The following UNC80 variants were observed in gnomAD, a reference collection of about 807,000 sequenced individuals.
UNC80 encodes protein unc-80 homolog.
A neutral mutation model predicts 384.6 loss-of-function variants in UNC80; 164 were observed. That is an observed-to-expected ratio of 0.43 (90% CI 0.38 to 0.49). UNC80 has a LOEUF of 0.49. Ranked by LOEUF, UNC80 falls within the 20% of genes least tolerant of loss-of-function variation. The pLI is 0.00. For missense variants in UNC80, 3,330 were observed against 4,143.0 expected (o/e 0.80, Z 5.39); for synonymous variants, 1,486 against 1,527.8 (o/e 0.97, Z 0.64).
intron 11 of UNC80, among the ~76,000 whole-genome samples, chr2:209,818,790 A>T (rs1442793833): frequency 6.6e-6 from 1 of 152,198 alleles, no homozygotes; most frequent in Non-Finnish European, 1.5e-5. Context: ...ATTTTCTACA[A>T]TCTTTAATAT....
At chr2:209,937,333 A>T (rs185511696) in intron 41 of UNC80, among the ~76,000 whole-genome samples, 196 bp from the exon 42 acceptor site, 22 of 152,344 alleles carry the variant, frequency 1.4e-4, no homozygotes, top group Non-Finnish European at 2.9e-4. Flanking sequence ...ATCTGATCTA[A>T]TGAGCAGAAG....
intron 63 of UNC80, 63 bp from the exon 64 acceptor site, chr2:209,994,002 T>C (rs751226834): frequency 4.7e-5 from 66 of 1,415,658 alleles, no homozygotes; most frequent in African/African-American, 5.8e-5. Flanking sequence ...TACCAACTAT[T>C]AAGCATTGAC....
At position 209,984,919 on chromosome 2, in the gene UNC80, T is replaced by A. The variant is rs1202672717; in HGVS notation, c.9314+7T>A. On this transcript the variant is annotated splice_region_variant and intron_variant, in intron 61 of 64. Coordinates refer to ENST00000673920, the MANE Select transcript of UNC80 (RefSeq NM_001371986.1). ...CCGAGGGCAGCCTCTCTAGGTACAG[T>A]GTCAATGCTACCTGTCTATTGGTGT... 1.3e-6 allele frequency: 2 copies of A among 1,550,170 alleles called. No individual in the cohort carries two copies. Among genetic ancestry groups the A allele is most frequent in the Non-Finnish European group, 1.7e-6 (2 of 1,146,390 alleles).
chr2:209,981,799 A>G (rs551279658), intron 59 of UNC80, among the ~76,000 whole-genome samples: 1 of 152,244 alleles, frequency 6.6e-6, no homozygotes, highest in Non-Finnish European at 1.5e-5. Flanking sequence ...TGTCAAGGAA[A>G]TGTATTTGAT....
At chr2:209,933,264 A>G (rs1468225925) in intron 38 of UNC80, among the ~76,000 whole-genome samples, 1 of 152,156 alleles carries the variant, frequency 6.6e-6, no homozygotes, top group Non-Finnish European at 1.5e-5. Context: ...GTTTTTCAAA[A>G]TTACATTAGA....
intron 28 of UNC80, among the ~76,000 whole-genome samples, chr2:209,903,320 A>ATGTGTGTGTGTG (rs34002751): frequency 9.5e-6 from 1 of 105,764 alleles, no homozygotes; most frequent in African/African-American, 3.6e-5. Context: ...ATTATATTAT[A>ATGTGTGTGTGTG]TGTGTGTGTG....
At chr2:209,972,168 C>A in intron 54 of UNC80, 33 bp from the exon 55 acceptor site, 2 of 1,545,292 alleles carry the variant, frequency 1.3e-6, no homozygotes, top group South Asian at 2.4e-5. Context: ...GTGTGGTGGT[C>A]AATTAATCTT....
intron 10 of UNC80, 51 bp downstream of exon 10, chr2:209,817,176 A>T (rs2079802560): frequency 6.7e-7 from 1 of 1,501,498 alleles, no homozygotes; most frequent in Non-Finnish European, 9.1e-7. Context: ...ACCTGTTTAG[A>T]ACTGGATCTA....
chr2:209,959,726 C>T lies in UNC80; in HGVS notation c.7805+19C>T, dbSNP rs1266277585. Reference sequence around the variant, plus strand: ...ACATGAGGTACTGGCCTCGCTTTCCCTGCCCCAAGTGTGAACACAGCTTGG... The same window carrying T: ...ACATGAGGTACTGGCCTCGCTTTCCTTGCCCCAAGTGTGAACACAGCTTGG... On this transcript the variant is annotated intron_variant, in intron 51 of 64. Transcript: ENST00000673920. 1.2e-5 allele frequency: 19 copies of T among 1,548,328 alleles called. No homozygotes were observed. In the South Asian group the frequency reaches 2.3e-4, roughly 18 times the overall value.
chr2:209,962,488 T>TGG (rs1336729773), intron 51 of UNC80, among the ~76,000 whole-genome samples: 1 of 152,210 alleles, frequency 6.6e-6, no homozygotes, highest in Non-Finnish European at 1.5e-5. Flanking sequence ...GATAAAGTGC[T>TGG]GGTTGTACAT....
At chr2:209,930,814 A>G (rs1575055877) in intron 37 of UNC80, among the ~76,000 whole-genome samples, 154 bp from the exon 38 acceptor site, 1 of 152,238 alleles carries the variant, frequency 6.6e-6, no homozygotes, top group African/African-American at 2.4e-5. Flanking sequence ...CAAGTATCAC[A>G]TATACTATAT....
chr2:209,882,263 C>G (rs543590846), intron 25 of UNC80, among the ~76,000 whole-genome samples: 37 of 152,178 alleles, frequency 2.4e-4, no homozygotes, highest in African/African-American at 7.9e-4. Context: ...CCGCGCCTGG[C>G]CACGTTTCCT....
intron 61 of UNC80, among the ~76,000 whole-genome samples, chr2:209,991,518 G>A (rs952359141): frequency 1.3e-5 from 2 of 152,260 alleles, no homozygotes; most frequent in Admixed American, 1.3e-4. Context: ...GTATGTTTGA[G>A]TGCAGTTACT....
chr2:209,936,261 G>A (rs560988370), intron 40 of UNC80, among the ~76,000 whole-genome samples: 2 of 152,190 alleles, frequency 1.3e-5, no homozygotes, highest in East Asian at 1.9e-4. Flanking sequence ...ATATTCAAAC[G>A]CTGCCTTCAC....
chr2:209,956,577 T>G, intron 48 of UNC80, among the ~76,000 whole-genome samples: 1 of 149,808 alleles, frequency 6.7e-6, no homozygotes, highest in East Asian at 1.9e-4. Flanking sequence ...TTTTTAAATT[T>G]TTTAATTTTT....
At chr2:209,864,386 G>A (rs1364568640) in intron 22 of UNC80, among the ~76,000 whole-genome samples, 2 of 152,172 alleles carry the variant, frequency 1.3e-5, no homozygotes, top group Non-Finnish European at 1.5e-5. Context: ...GAGGGGGTGT[G>A]CCTTGCTGTG....
At chr2:209,919,544 A>T (rs1335074871) in intron 33 of UNC80, among the ~76,000 whole-genome samples, 3 of 152,218 alleles carry the variant, frequency 2.0e-5, no homozygotes, top group African/African-American at 7.2e-5. Flanking sequence ...GGCCAAAACA[A>T]CTTACTGTTT....
intron 52 of UNC80, 21 bp from the exon 53 acceptor site, chr2:209,969,747 G>C: frequency 6.4e-7 from 1 of 1,551,378 alleles, no homozygotes; most frequent in Non-Finnish European, 8.7e-7. Context: ...AGACGCTAAT[G>C]GCGCCTATAT....
intron 51 of UNC80, among the ~76,000 whole-genome samples, chr2:209,964,785 CA>C (rs1299831479): frequency 1.9e-3 from 111 of 57,602 alleles, no homozygotes; most frequent in East Asian, 4.1e-3. Context: ...GACTCTGTCT[CA>C]AAAAAAAAAA....
Sources: gnomAD v4.1 joint callset for allele counts (sites outside exome capture counted in the v4.1 genomes callset) on GRCh38, gnomAD v4.1.1 for gene constraint, MANE v1.5 for transcripts, NCBI Gene and HGNC (gene_info 2026-07-23, HGNC 2026-07-21) for gene names.